C2orf49: variants seen among roughly 807,000 people sequenced by gnomAD.
The protein encoded by C2orf49 is tRNA-splicing ligase complex subunit ASW.
Under a neutral mutation model 20.6 loss-of-function variants are expected in C2orf49, and 11 were observed. The observed-to-expected ratio is 0.53, with a 90% CI of 0.34 to 0.88. C2orf49 has a LOEUF of 0.88. Among genes scored for constraint, C2orf49 ranks in the 40% least tolerant of loss-of-function variants. C2orf49 has a pLI of 0.02. For synonymous variants in C2orf49, 134 were observed against 108.5 expected (o/e 1.24, Z -1.46); for missense variants, 289 against 274.2 (o/e 1.05, Z -0.38).
chr2:105,363,179 G>A, the C2orf49 span: 3 of 1,052,954 alleles, frequency 2.8e-6, no homozygotes, highest in Non-Finnish European at 4.2e-6. Context: ...CAGAGCCTTA[G>A]GGAGGTCTGG....
At chr2:105,342,139 G>A (rs1015778080) in intron 2 of C2orf49, among the ~76,000 whole-genome samples, 3 of 152,198 alleles carry the variant, frequency 2.0e-5, no homozygotes, top group African/African-American at 4.8e-5. Flanking sequence ...GCCATCGCAC[G>A]CCACCCTGGG....
chr2:105,344,998 G>C (rs1026694763), intron 3 of C2orf49, among the ~76,000 whole-genome samples: 1 of 152,156 alleles, frequency 6.6e-6, no homozygotes, highest in African/African-American at 2.4e-5. Flanking sequence ...AACATCACTT[G>C]AGGAGCTTCC....
the C2orf49 span, among the ~76,000 whole-genome samples, chr2:105,368,003 G>A: frequency 1.3e-5 from 2 of 152,196 alleles, no homozygotes; most frequent in Non-Finnish European, 2.9e-5. Context: ...GAATACCGTG[G>A]TTAGGAATGT....
the C2orf49 span, chr2:105,357,965 G>A: frequency 3.9e-5 from 6 of 152,134 alleles, no homozygotes; most frequent in African/African-American, 1.4e-4. Context: ...TTTCAAGTTT[G>A]TTTCACATCT....
intron 2 of C2orf49, among the ~76,000 whole-genome samples, chr2:105,341,776 T>G (rs1480803350): frequency 6.6e-6 from 1 of 152,256 alleles, no homozygotes; most frequent in African/African-American, 2.4e-5. Flanking sequence ...TGACTGACGT[T>G]GCTGTGCTGG....
the C2orf49 span, among the ~76,000 whole-genome samples, chr2:105,355,678 C>T: frequency 1.3e-5 from 2 of 151,720 alleles, no homozygotes; most frequent in Non-Finnish European, 2.9e-5. Flanking sequence ...CAAAGTGTAA[C>T]ATATTTTAAA....
downstream of C2orf49, among the ~76,000 whole-genome samples, chr2:105,354,160 T>G (rs1039084975): frequency 2.0e-5 from 3 of 152,242 alleles, no homozygotes; most frequent in Non-Finnish European, 4.4e-5. Context: ...TTTCCAGAGA[T>G]AAAGCTTTCA....
the C2orf49 span, chr2:105,375,562 TG>T: frequency 6.6e-6 from 1 of 152,638 alleles, no homozygotes; most frequent in East Asian, 1.9e-4. Flanking sequence ...CGCTTGAACC[TG>T]GGAGGTGGAG....
the C2orf49 span, among the ~76,000 whole-genome samples, chr2:105,370,155 T>C: frequency 6.6e-6 from 1 of 152,206 alleles, no homozygotes; most frequent in South Asian, 2.1e-4. Flanking sequence ...GGGAGATCTC[T>C]TGAGCCCAGG....
rs2104453231 is a variant in C2orf49 at position 105,345,419 on chromosome 2, A to G, written c.*48A>G. On this transcript the variant is annotated 3_prime_UTR_variant, in exon 4 of 4. Transcript: ENST00000258457. ...ATATACTGTAACTGTAGTTTTTCAAATATGTTCATATATATTGACAATATT... is the reference window on the plus strand; with the variant it reads ...ATATACTGTAACTGTAGTTTTTCAAGTATGTTCATATATATTGACAATATT... The G allele has an allele frequency of 7.6e-7, 1 of 1,317,134 alleles. No homozygotes were observed. Among genetic ancestry groups the G allele is most frequent in the Non-Finnish European group, 1.1e-6 (1 of 921,142 alleles). The allele number at this position is 1,317,134 out of a possible 1,614,324, so 81.6% of individuals were successfully genotyped here.
At chr2:105,365,147 C>T in the C2orf49 span, among the ~76,000 whole-genome samples, 5 of 152,152 alleles carry the variant, frequency 3.3e-5, no homozygotes, top group African/African-American at 1.2e-4. Flanking sequence ...GAGACTCCTT[C>T]CCTCAACACC....
At chr2:105,361,722 G>C in the C2orf49 span, among the ~76,000 whole-genome samples, 1 of 152,180 alleles carries the variant, frequency 6.6e-6, no homozygotes, top group Non-Finnish European at 1.5e-5. Flanking sequence ...CCCACAAAAT[G>C]AAACTCCATG....
chr2:105,366,209 CA>C, the C2orf49 span, among the ~76,000 whole-genome samples: 1 of 144,906 alleles, frequency 6.9e-6, no homozygotes, highest in East Asian at 2.0e-4. Context: ...GATTCTGTCT[CA>C]AAAAAAGAAA....
intron 1 of C2orf49, 69 bp from the exon 2 acceptor site, chr2:105,339,514 T>C: frequency 7.1e-7 from 1 of 1,409,554 alleles, no homozygotes; most frequent in South Asian, 1.3e-5. Flanking sequence ...TTTACCATGT[T>C]AGGTAAGGTG....
At chr2:105,365,913 G>A in the C2orf49 span, among the ~76,000 whole-genome samples, 1 of 151,914 alleles carries the variant, frequency 6.6e-6, no homozygotes, top group South Asian at 2.1e-4. Context: ...TAACAGTAAA[G>A]AACAAATGGG....
the C2orf49 span, among the ~76,000 whole-genome samples, chr2:105,363,973 C>G: frequency 2.0e-5 from 3 of 152,130 alleles, no homozygotes; most frequent in East Asian, 5.8e-4. Flanking sequence ...TACTTAGAAG[C>G]CTGGCAGGGC....
chr2:105,382,517 A>G, the C2orf49 span, among the ~76,000 whole-genome samples: 1 of 152,334 alleles, frequency 6.6e-6, no homozygotes, highest in East Asian at 1.9e-4. Context: ...CATAAAATGG[A>G]ATGAAAAAAG....
chr2:105,357,173 G>C, the C2orf49 span, among the ~76,000 whole-genome samples: 1 of 152,052 alleles, frequency 6.6e-6, no homozygotes, highest in African/African-American at 2.4e-5. Flanking sequence ...TAGCCTTCTA[G>C]TCCTTCCATT....
the C2orf49 span, among the ~76,000 whole-genome samples, chr2:105,379,432 C>T: frequency 6.6e-6 from 1 of 152,200 alleles, no homozygotes; most frequent in Non-Finnish European, 1.5e-5. Context: ...TACCACTCTA[C>T]TTTTGTAGGT....
Sources: gnomAD v4.1 joint callset for allele counts (sites outside exome capture counted in the v4.1 genomes callset) on GRCh38, gnomAD v4.1.1 for gene constraint, MANE v1.5 for transcripts, NCBI Gene and HGNC (gene_info 2026-07-23, HGNC 2026-07-21) for gene names.